The following ALOX5 variants were observed in gnomAD, a reference collection of about 807,000 sequenced individuals.
The protein encoded by ALOX5 is arachidonate 5-lipoxygenase.
A neutral mutation model predicts 87.9 loss-of-function variants in ALOX5; 64 were observed. The ratio of observed to expected loss-of-function variants is 0.73; its 90% confidence interval spans 0.60 to 0.90. The LOEUF (loss-of-function observed/expected upper bound fraction) is 0.90, where lower values mean the gene tolerates loss of function less well. Among genes scored for constraint, ALOX5 ranks in the 40% least tolerant of loss-of-function variants. The pLI, the probability that ALOX5 is intolerant of heterozygous loss-of-function variation, is 0.00. For missense variants in ALOX5, 822 were observed against 907.5 expected (o/e 0.91, Z 1.21); for synonymous variants, 388 against 355.1 (o/e 1.09, Z -1.04).
chr10:45,374,961 A>G (rs1019292978), intron 1 of ALOX5, among the ~76,000 whole-genome samples: 2 of 152,142 alleles, frequency 1.3e-5, no homozygotes, highest in Non-Finnish European at 2.9e-5. Flanking sequence ...CTGTCCAGAC[A>G]TGACCACCAG....
chr10:45,400,847 T>C (rs1840674687), intron 3 of ALOX5, among the ~76,000 whole-genome samples: 1 of 152,014 alleles, frequency 6.6e-6, no homozygotes, highest in South Asian at 2.1e-4. Context: ...CCTCTGGGGA[T>C]GAGATTATTT....
At chr10:45,407,690 G>C (rs752107057) in intron 3 of ALOX5, among the ~76,000 whole-genome samples, 1 of 152,080 alleles carries the variant, frequency 6.6e-6, no homozygotes, top group African/African-American at 2.4e-5. Context: ...TGAGGCAGAG[G>C]AAAAATGCAG....
chr10:45,407,040 T>C (rs1454150214), intron 3 of ALOX5, among the ~76,000 whole-genome samples: 1 of 152,250 alleles, frequency 6.6e-6, no homozygotes, highest in Non-Finnish European at 1.5e-5. Flanking sequence ...GTTCAATTAA[T>C]TTCCTCAGAA....
chr10:45,415,694 C>T (rs1841262389), intron 4 of ALOX5, among the ~76,000 whole-genome samples: 1 of 152,260 alleles, frequency 6.6e-6, no homozygotes, highest in East Asian at 1.9e-4. Context: ...GGAGAACAGG[C>T]TGGAAGGAAG....
intron 7 of ALOX5, among the ~76,000 whole-genome samples, chr10:45,439,028 T>A (rs1842140378): frequency 6.6e-6 from 1 of 152,242 alleles, no homozygotes; most frequent in African/African-American, 2.4e-5. Context: ...AGTTCACACC[T>A]GATTTTTAAG....
At chr10:45,397,683 T>C (rs1840560587) in intron 3 of ALOX5, among the ~76,000 whole-genome samples, 1 of 151,896 alleles carries the variant, frequency 6.6e-6, no homozygotes. Flanking sequence ...TAATCAATTG[T>C]TTTTCTATAC....
chr10:45,411,384 G>A (rs775733273), intron 3 of ALOX5, among the ~76,000 whole-genome samples: 2 of 152,158 alleles, frequency 1.3e-5, no homozygotes, highest in Non-Finnish European at 2.9e-5. Flanking sequence ...ATTTTACCCA[G>A]CCCCTATTCA....
chr10:45,399,870 A>T (rs1011143065), intron 3 of ALOX5, among the ~76,000 whole-genome samples: 1 of 152,240 alleles, frequency 6.6e-6, no homozygotes, highest in Admixed American at 6.5e-5. Context: ...AAAATTTGTG[A>T]ATCTCCAATA....
chr10:45,391,848 C>T (rs976756665), intron 2 of ALOX5, among the ~76,000 whole-genome samples: 14 of 148,906 alleles, frequency 9.4e-5, no homozygotes, highest in African/African-American at 3.5e-4. Flanking sequence ...GTGAGGAGCC[C>T]CTCCATCTGA....
At chr10:45,397,335 A>T (rs999498865) in intron 3 of ALOX5, among the ~76,000 whole-genome samples, 8 of 152,206 alleles carry the variant, frequency 5.3e-5, no homozygotes, top group Non-Finnish European at 1.2e-4. Context: ...AGCTGAGATC[A>T]TGCCACTGCA....
chr10:45,378,286 C>T (rs1162793592), intron 1 of ALOX5, among the ~76,000 whole-genome samples: 1 of 152,200 alleles, frequency 6.6e-6, no homozygotes, highest in East Asian at 1.9e-4. Context: ...GCTTCCGGTT[C>T]AGGGCTTTTC....
At chr10:45,396,031 C>T (rs1589000316) in intron 3 of ALOX5, 95 bp downstream of exon 3, 1 of 1,301,476 alleles carries the variant, frequency 7.7e-7, no homozygotes, top group Non-Finnish European at 1.1e-6. Flanking sequence ...AGTGTATGGC[C>T]TGTCACTGCT....
chr10:45,433,192 G>A (rs1841963830), intron 7 of ALOX5, among the ~76,000 whole-genome samples: 1 of 152,260 alleles, frequency 6.6e-6, no homozygotes, highest in African/African-American at 2.4e-5. Context: ...CTGCTCATGA[G>A]TTGTTGCAGC....
chr10:45,408,271 G>A (rs1171685347), intron 3 of ALOX5, among the ~76,000 whole-genome samples: 1 of 152,144 alleles, frequency 6.6e-6, no homozygotes, highest in African/African-American at 2.4e-5. Context: ...CACCCAAGGT[G>A]GTTGGGGTAC....
At chr10:45,440,712 G>C (rs377583757) in intron 8 of ALOX5, 79 bp downstream of exon 8, 2 of 1,480,148 alleles carry the variant, frequency 1.4e-6, no homozygotes, top group Non-Finnish European at 1.8e-6. Context: ...CATCCCACAG[G>C]GGGACCTGTG....
chr10:45,376,372 G>T (rs1285211177), intron 1 of ALOX5, among the ~76,000 whole-genome samples: 1 of 152,012 alleles, frequency 6.6e-6, no homozygotes, highest in Admixed American at 6.5e-5. Flanking sequence ...GCAGGGTGGG[G>T]AACCAGCTAA....
At chr10:45,424,880 C>T (rs921580135) in intron 5 of ALOX5, 80 bp from the exon 6 acceptor site, 7 of 1,552,222 alleles carry the variant, frequency 4.5e-6, no homozygotes, top group Non-Finnish European at 6.1e-6. Context: ...GGACTCTGCT[C>T]TTAGGTGAGG....
intron 4 of ALOX5, among the ~76,000 whole-genome samples, chr10:45,418,526 T>G (rs987781934): frequency 6.6e-6 from 1 of 152,136 alleles, no homozygotes; most frequent in African/African-American, 2.4e-5. Flanking sequence ...GCTGCACTCT[T>G]GGAAGGGCCC....
chr10:45,424,851 G>A lies in ALOX5; in HGVS notation c.662-109G>A, dbSNP rs541716813. 85 of 1,373,962 alleles carry A rather than the reference G, an allele frequency of 6.2e-5. 1 individual carries two copies. The highest frequency in any genetic ancestry group is 4.9e-4 in the South Asian group (37 of 75,370). 85.1% of individuals were successfully genotyped at this position (1,373,962 alleles called of 1,614,324 possible). A position where few individuals can be genotyped will look rare whatever the true frequency, so the allele number is the denominator to read the frequency against. Reference sequence around the variant, plus strand: ...AGCTGTGCCCATCCAGGGAGCACTCGGGAGAGGAGACCAAGCAGGGACTCT... The same window carrying A: ...AGCTGTGCCCATCCAGGGAGCACTCAGGAGAGGAGACCAAGCAGGGACTCT... On this transcript the variant is annotated intron_variant, in intron 5 of 13. Transcript: ENST00000374391.
Sources: allele counts gnomAD v4.1 joint callset (sites outside exome capture counted in the v4.1 genomes callset), GRCh38; gene constraint gnomAD v4.1.1; transcripts MANE v1.5; gene names NCBI Gene and HGNC (gene_info 2026-07-23, HGNC 2026-07-21).